The following RBFOX1 variants were observed in gnomAD, a reference collection of about 807,000 sequenced individuals.
RBFOX1 encodes the protein RNA binding protein fox-1 homolog 1.
RBFOX1 carries 8 observed loss-of-function variants against 57.7 expected under a neutral mutation model. The ratio of observed to expected loss-of-function variants is 0.14; its 90% confidence interval spans 0.08 to 0.25. The LOEUF (loss-of-function observed/expected upper bound fraction) is 0.25. Ranked by LOEUF, RBFOX1 falls within the 10% of genes least tolerant of loss-of-function variation. The pLI is 1.00. For synonymous variants in RBFOX1, 326 were observed against 222.4 expected (o/e 1.47, Z -4.15); for missense variants, 611 against 548.5 (o/e 1.11, Z -1.14).
intron 2 of RBFOX1, among the ~76,000 whole-genome samples, chr16:5,555,811 C>T (rs567215959): frequency 6.6e-6 from 1 of 151,826 alleles, no homozygotes; most frequent in South Asian, 2.1e-4. Context: ...CACCTGAGGT[C>T]GGGAGTTCGA....
intron 3 of RBFOX1, among the ~76,000 whole-genome samples, chr16:7,016,194 T>G (rs539562948): frequency 6.6e-6 from 1 of 152,256 alleles, no homozygotes; most frequent in Non-Finnish European, 1.5e-5. Context: ...AGTCCTTTGT[T>G]GAGATCAGGA....
At chr16:5,760,109 G>C (rs900684590) in intron 3 of RBFOX1, among the ~76,000 whole-genome samples, 1 of 151,892 alleles carries the variant, frequency 6.6e-6, no homozygotes, top group Non-Finnish European at 1.5e-5. Context: ...TTATTGAGTA[G>C]CTGTTACATA....
rs375485502 is a variant in RBFOX1 at position 7,703,425 on chromosome 16, CTGCTCCACAGGATTCACCCAG to C, written c.996-5630_996-5610del. On this transcript the variant is annotated intron_variant, in intron 14 of 15. Coordinates refer to ENST00000550418, the MANE Select transcript of RBFOX1 (RefSeq NM_018723.4). ...AGCTGAGCAGATTTCACTCATCTTTCTGCTCCACAGGATTCACCCAGCTATCTCTGGGGTGAGAAGCATGGG... is the reference window on the plus strand; with the variant it reads ...AGCTGAGCAGATTTCACTCATCTTTCCTATCTCTGGGGTGAGAAGCATGGG... Among the ~76,000 whole-genome samples the C allele has an allele frequency of 5.4e-3, 823 of 152,282 alleles. 5 individuals are homozygous for C. The highest frequency in any genetic ancestry group is 0.019 in the African/African-American group (795 of 41,556).
chr16:5,293,743 T>A (rs8045500), intron 1 of RBFOX1, among the ~76,000 whole-genome samples: 129,977 of 149,744 alleles, frequency 0.87, 56,357 homozygotes, highest in East Asian at 1. Flanking sequence ...GGTTGCCAGG[T>A]GCTGGGGGAA....
At chr16:5,771,493 C>G (rs545247061) in intron 3 of RBFOX1, among the ~76,000 whole-genome samples, 1 of 152,240 alleles carries the variant, frequency 6.6e-6, no homozygotes. Context: ...ATTGCAGCTT[C>G]TGCCTCCTGG....
chr16:5,795,490 A>G (rs2054847526), intron 3 of RBFOX1, among the ~76,000 whole-genome samples: 1 of 152,042 alleles, frequency 6.6e-6, no homozygotes, highest in African/African-American at 2.4e-5. Context: ...TTTTGTGGAG[A>G]TGGGGTATTG....
At chr16:7,557,436 A>G (rs946727427) in intron 5 of RBFOX1, among the ~76,000 whole-genome samples, 2 of 151,932 alleles carry the variant, frequency 1.3e-5, no homozygotes, top group Non-Finnish European at 2.9e-5. Context: ...CCTGACCAAC[A>G]TGTTGAAACC....
intron 4 of RBFOX1, among the ~76,000 whole-genome samples, chr16:7,062,881 C>G (rs558728622): frequency 5.8e-5 from 7 of 121,618 alleles, no homozygotes; most frequent in Non-Finnish European, 9.8e-5. Flanking sequence ...TCATCTCATT[C>G]AAATGATCGC....
chr16:5,642,898 G>C (rs1017594425), intron 3 of RBFOX1, among the ~76,000 whole-genome samples: 1 of 152,120 alleles, frequency 6.6e-6, no homozygotes, highest in African/African-American at 2.4e-5. Context: ...CAAAAGCTAG[G>C]CTCCTTGCCT....
intron 1 of RBFOX1, among the ~76,000 whole-genome samples, chr16:5,446,050 T>C (rs931625346): frequency 6.6e-6 from 1 of 152,294 alleles, no homozygotes; most frequent in East Asian, 1.9e-4. Flanking sequence ...GGAAGTAAAT[T>C]TTTACCCTGG....
intron 4 of RBFOX1, among the ~76,000 whole-genome samples, chr16:7,400,293 A>T (rs1262045505): frequency 6.6e-6 from 1 of 152,174 alleles, no homozygotes; most frequent in Non-Finnish European, 1.5e-5. Flanking sequence ...AGGGGCAAGG[A>T]TAGGCATTAA....
intron 3 of RBFOX1, among the ~76,000 whole-genome samples, chr16:5,818,335 CA>C (rs763685751): frequency 4.4e-4 from 67 of 152,270 alleles, no homozygotes; most frequent in Non-Finnish European, 8.7e-4. Flanking sequence ...TCATGCCTTG[CA>C]AGGGCTTGTA....
chr16:5,267,704 G>T (rs769793779), intron 1 of RBFOX1, among the ~76,000 whole-genome samples: 1 of 152,196 alleles, frequency 6.6e-6, no homozygotes, highest in African/African-American at 2.4e-5. Context: ...TCTACTTCCA[G>T]AGTTCCCACT....
At chr16:6,488,566 T>C (rs745754596) in intron 2 of RBFOX1, among the ~76,000 whole-genome samples, 2 of 152,146 alleles carry the variant, frequency 1.3e-5, no homozygotes, top group African/African-American at 4.8e-5. Flanking sequence ...TTTTTATAAT[T>C]AGAAAAAGTG....
Position 6,186,031 on chromosome 16 carries a change from A to T in RBFOX1, c.-126-130964A>T, listed in dbSNP as rs571501932. ...ATTATTATTTCTCTATTCTCCTTGG[A>T]TGTGTGTTTCTTGCAACGGAAGTAG... On this transcript the variant is annotated intron_variant, in intron 1 of 15. Coordinates refer to ENST00000550418, the MANE Select transcript of RBFOX1 (RefSeq NM_018723.4). Among the ~76,000 whole-genome samples the T allele has an allele frequency of 1.1e-3, 161 of 152,232 alleles. 2 individuals carry two copies. The highest frequency in any genetic ancestry group is 2.0e-3 in the Non-Finnish European group (136 of 68,008).
intron 4 of RBFOX1, among the ~76,000 whole-genome samples, chr16:5,999,367 C>T (rs1401533374): frequency 3.9e-5 from 6 of 152,230 alleles, no homozygotes; most frequent in Non-Finnish European, 8.8e-5. Flanking sequence ...TTCCTTAAGT[C>T]TTCAGACCGG....
chr16:7,085,577 A>G (rs936781368), intron 4 of RBFOX1, among the ~76,000 whole-genome samples: 7 of 152,142 alleles, frequency 4.6e-5, no homozygotes, highest in African/African-American at 1.4e-4. Flanking sequence ...TGTGGAATCA[A>G]TGAATGAACA....
chr16:5,881,403 G>C (rs541452176), intron 4 of RBFOX1, among the ~76,000 whole-genome samples: 2 of 152,168 alleles, frequency 1.3e-5, no homozygotes, highest in East Asian at 1.9e-4. Context: ...TAGGGGTCTG[G>C]GTGTGGTGGC....
chr16:6,367,254 G>GTTTGTTTTGTTTTGT (rs138296322), intron 2 of RBFOX1, among the ~76,000 whole-genome samples: 5 of 149,992 alleles, frequency 3.3e-5, no homozygotes, highest in Non-Finnish European at 5.9e-5. Context: ...TTCTTTGTTT[G>GTTTGTTTTGTTTTGT]TTTGTTTTGT....
Sources: gnomAD v4.1 joint callset for allele counts (sites outside exome capture counted in the v4.1 genomes callset) on GRCh38, gnomAD v4.1.1 for gene constraint, MANE v1.5 for transcripts, NCBI Gene and HGNC (gene_info 2026-07-23, HGNC 2026-07-21) for gene names.